WDR53: variants seen among roughly 807,000 people sequenced by gnomAD.
WDR53 encodes the protein WD repeat-containing protein 53.
WDR53 carries 19 observed loss-of-function variants against 21.3 expected under a neutral mutation model. The observed-to-expected ratio is 0.89, with a 90% CI of 0.62 to 1.31. The LOEUF is 1.31. WDR53 is among the 50% of genes most tolerant of loss of function. The pLI is 0.00. For missense variants in WDR53, 374 were observed against 423.2 expected (o/e 0.88, Z 1.02); for synonymous variants, 157 against 163.4 (o/e 0.96, Z 0.30).
intron 2 of WDR53, among the ~76,000 whole-genome samples, chr3:196,565,438 G>A (rs542979756): frequency 6.6e-6 from 1 of 152,138 alleles, no homozygotes; most frequent in Non-Finnish European, 1.5e-5. Flanking sequence ...AGCAGGGTGT[G>A]GTGGTACGTG....
chr3:196,556,375 G>A (rs1354339729), intron 3 of WDR53, among the ~76,000 whole-genome samples: 5 of 152,016 alleles, frequency 3.3e-5, no homozygotes, highest in African/African-American at 7.2e-5. Flanking sequence ...ATCTGAACAC[G>A]GCTGGGCACG....
intron 2 of WDR53, among the ~76,000 whole-genome samples, chr3:196,566,416 CT>C (rs1330674667): frequency 0.045 from 6,364 of 140,394 alleles, 394 homozygotes; most frequent in African/African-American, 0.15. Flanking sequence ...GCATTTTTTT[CT>C]TTTTTTTTTT....
In WDR53 at chr3:196,561,190, C is replaced by A. The variant is rs995602776; in HGVS notation, c.286G>T (p.Glu96Ter). 2.5e-6 allele frequency: 4 copies of A among 1,614,124 alleles called. No individual in the cohort carries two copies. The highest frequency in any genetic ancestry group is 2.7e-5 in the African/African-American group (2 of 74,944). The change falls in exon 3 of 4, where the codon GAA becomes TAA. Residue 96 changes from glutamate (E) to a stop codon, truncating the protein, a stop_gained. Transcript: ENST00000332629. LOFTEE classifies it high-confidence loss of function. ...TGATTCAATGAAAGACAATTGATTT[C>A]TTCTTCATTCACATGAAAATGGTCC... ...SLDHFHVNEE[E>*]INCLSLNQTE...
chr3:196,554,253 A>G lies in WDR53; in HGVS notation c.1035T>C (p.Asp345=), dbSNP rs750893322. The change falls in exon 4 of 4, where the codon GAT becomes GAC. Residue 345 remains aspartate (D), a synonymous_variant. Transcript: ENST00000332629. The part of the protein sequence containing the change: ...IKGHQNILVA[D]QTSCISVYPL... ...GGTATACAGATATACAACTAGTTTG[A>G]TCAGCTACTAATATATTTTGGTGTC... 3 of 1,613,810 alleles carry G rather than the reference A, an allele frequency of 1.9e-6. No individual in the cohort carries two copies. Among genetic ancestry groups the G allele is most frequent in the Non-Finnish European group, 2.5e-6 (3 of 1,179,852 alleles).
intron 2 of WDR53, among the ~76,000 whole-genome samples, chr3:196,566,558 C>G (rs1264788397): frequency 6.6e-6 from 1 of 152,020 alleles, no homozygotes; most frequent in Admixed American, 6.6e-5. Flanking sequence ...GAACTACAGG[C>G]ATGCACCACC....
Position 196,554,397 on chromosome 3 carries a change from C to T in WDR53, c.891G>A (p.Lys297=). 3 of 1,614,114 alleles carry T rather than the reference C, an allele frequency of 1.9e-6. No homozygotes were observed. Among genetic ancestry groups the T allele is most frequent in the African/African-American group, 1.3e-5 (1 of 75,020 alleles). ...CTGAAGCGTTAGTATTTCCACCCTG[C>T]TTGGTGCAAGTTCCTCTTTTAGGTT... ...RKKPKRGTCT[K]QGGNTNASVT... is the part of the protein sequence containing the mutation. The change falls in exon 4 of 4, where the codon AAG becomes AAA. Residue 297 remains lysine, a synonymous_variant. Transcript: ENST00000332629.
In WDR53 at chr3:196,554,667, C is replaced by G; in HGVS notation, c.621G>C (p.Ser207=). Residue 207 remains serine (S), a synonymous_variant, in exon 4 of 4, where the codon TCG becomes TCC. Transcript: ENST00000332629. ...CACCACAACTAAAAATATTACCACA[C>G]GAAGCCACAGAGATAGAATGGGCTA... ...PALAHSISVA[S]CGNIFSCGAE... 1.9e-6 allele frequency: 3 copies of G among 1,614,134 alleles called. No individual in the cohort carries two copies. The highest frequency in any genetic ancestry group is 2.5e-6 in the Non-Finnish European group (3 of 1,180,018).
chr3:196,561,864 T>G (rs1734904544), intron 2 of WDR53, among the ~76,000 whole-genome samples: 1 of 152,142 alleles, frequency 6.6e-6, no homozygotes, highest in Admixed American at 6.5e-5. Flanking sequence ...CTGAATAATG[T>G]TTTAGATGGT....
intron 3 of WDR53, among the ~76,000 whole-genome samples, chr3:196,558,070 C>A (rs947012840): frequency 1.3e-5 from 2 of 151,982 alleles, no homozygotes; most frequent in African/African-American, 4.8e-5. Context: ...AGCCACTGCG[C>A]CTGGCCTAAT....
At chr3:196,558,652 G>A (rs758670232) in intron 3 of WDR53, among the ~76,000 whole-genome samples, 3 of 152,236 alleles carry the variant, frequency 2.0e-5, no homozygotes, top group Non-Finnish European at 4.4e-5. Context: ...TTTGCTCAGA[G>A]AGAAGTAACT....
intron 3 of WDR53, among the ~76,000 whole-genome samples, chr3:196,557,397 T>A (rs922470811): frequency 1.3e-4 from 20 of 152,006 alleles, no homozygotes; most frequent in Non-Finnish European, 2.8e-4. Flanking sequence ...ATAAAAAAAA[T>A]TAGCTGGGTG....
chr3:196,566,659 C>A (rs1439845005), intron 2 of WDR53, among the ~76,000 whole-genome samples: 1 of 152,082 alleles, frequency 6.6e-6, no homozygotes, highest in African/African-American at 2.4e-5. Context: ...GGTGATCCGC[C>A]CGCTTCGGCC....
rs183506537 is a variant in WDR53 at position 196,556,781 on chromosome 3, A to G, written c.481-1974T>C. On this transcript the variant is annotated intron_variant, in intron 3 of 3. Coordinates refer to ENST00000332629, the MANE Select transcript of WDR53 (RefSeq NM_182627.3). Reference sequence around the variant, plus strand: ...CATACAGCCCTTATGAATGGACTGTATTTTCTGTCCTCCAAAGACATTCAA... The same window carrying G: ...CATACAGCCCTTATGAATGGACTGTGTTTTCTGTCCTCCAAAGACATTCAA... 2.1e-3 allele frequency among the ~76,000 whole-genome samples: 322 copies of G among 152,194 alleles called. 4 individuals carry two copies. Among genetic ancestry groups the G allele is most frequent in the Non-Finnish European group, 6.2e-4 (42 of 68,008 alleles).
Position 196,554,520 on chromosome 3 carries a change from C to A in WDR53, c.768G>T (p.Leu256=). ...TCTTCCCATCATTCCCTCCAGTAAG[C>A]AGCAAATAGGATTCTGGGAGAAAGC... ...QVCFLPESYL[L]LTGGNDGKIT... The change falls in exon 4 of 4, where the codon CTG becomes CTT. Residue 256 remains leucine (L), a synonymous_variant. Transcript: ENST00000332629. 3 of 1,614,152 alleles carry A rather than the reference C, an allele frequency of 1.9e-6. No individual in the cohort carries two copies. The highest frequency in any genetic ancestry group is 2.5e-6 in the Non-Finnish European group (3 of 1,180,028).
At chr3:196,554,860 A>C in intron 3 of WDR53, 53 bp from the exon 4 acceptor site, 9 of 1,440,170 alleles carry the variant, frequency 6.2e-6, no homozygotes, top group Non-Finnish European at 8.7e-6. Flanking sequence ...CAATTTGCTC[A>C]ACTATCATGC....
At chr3:196,565,938 C>T (rs1735346648) in intron 2 of WDR53, among the ~76,000 whole-genome samples, 1 of 152,226 alleles carries the variant, frequency 6.6e-6, no homozygotes, top group Non-Finnish European at 1.5e-5. Flanking sequence ...CGTATCAAGT[C>T]AACAAGCTTC....
intron 3 of WDR53, among the ~76,000 whole-genome samples, chr3:196,557,504 T>C (rs563187621): frequency 1.2e-4 from 19 of 152,188 alleles, no homozygotes; most frequent in Non-Finnish European, 2.6e-4. Context: ...ATTGTACCAC[T>C]GCACTCCAGC....
At chr3:196,561,855 T>C (rs1194272155) in intron 2 of WDR53, among the ~76,000 whole-genome samples, 1 of 152,200 alleles carries the variant, frequency 6.6e-6, no homozygotes, top group Non-Finnish European at 1.5e-5. Context: ...GCCTCTTATC[T>C]GAATAATGTT....
At position 196,563,004 on chromosome 3, in the gene WDR53, T is replaced by C. The variant is rs111236397; in HGVS notation, c.-16-1513A>G. On this transcript the variant is annotated intron_variant, in intron 2 of 3. Coordinates refer to ENST00000332629, the MANE Select transcript of WDR53 (RefSeq NM_182627.3). The stretch of plus-strand genomic sequence containing the variant: ...TGCACCACCATGCCTGGCTAATTTT[T>C]ATTTTATTAAATTTTTTTTTGCAAA... Among the ~76,000 whole-genome samples, 1,206 of 152,276 alleles carry C rather than the reference T, an allele frequency of 7.9e-3. 13 individuals are homozygous for C. The highest frequency in any genetic ancestry group is 0.028 in the African/African-American group (1,154 of 41,542).
Sources: gnomAD v4.1 joint callset for allele counts (sites outside exome capture counted in the v4.1 genomes callset) on GRCh38, gnomAD v4.1.1 for gene constraint, MANE v1.5 for transcripts, NCBI Gene and HGNC (gene_info 2026-07-23, HGNC 2026-07-21) for gene names.